Variants in TENT4B observed in about 807,000 individuals in gnomAD.
TENT4B encodes the protein PAP associated domain containing 5.
A neutral mutation model predicts 75.0 loss-of-function variants in TENT4B; 10 were observed. The ratio of observed to expected loss-of-function variants is 0.13; its 90% CI spans 0.08 to 0.23. The LOEUF (loss-of-function observed/expected upper bound fraction) is 0.23, where lower values mean the gene tolerates loss of function less well. TENT4B is among the 10% of genes least tolerant of loss of function. TENT4B has a pLI of 1.00. For missense variants in TENT4B, 579 were observed against 893.8 expected, an observed-to-expected ratio of 0.65 and a Z score of 4.49; for synonymous variants, 350 against 357.7, an observed-to-expected ratio of 0.98 and a Z score of 0.24.
intron 1 of TENT4B, among the ~76,000 whole-genome samples, chr16:50,206,622 C>T (rs1481119906): frequency 6.6e-6 from 1 of 151,870 alleles, no homozygotes; most frequent in African/African-American, 2.4e-5. Context: ...ATGGATGAGC[C>T]GCAGGGGACG....
At position 50,216,322 on chromosome 16, in the gene TENT4B, G is replaced by T. The variant is rs11859225; in HGVS notation, c.930+127G>T. The T allele has an allele frequency of 3.2e-6, 4 of 1,247,524 alleles. No individual in the cohort carries two copies. The Admixed American group carries it at 9.2e-5, about 29-fold the overall frequency. 77.3% of individuals were successfully genotyped at this position (1,247,524 alleles called of 1,614,324 possible). ...ATTCTTTCATTTTGTTAATGTCACCGTGCTTGCACATAAAAAGTTTTCTGG... is the reference window on the plus strand; with the variant it reads ...ATTCTTTCATTTTGTTAATGTCACCTTGCTTGCACATAAAAAGTTTTCTGG... On this transcript the variant is annotated intron_variant, in intron 4 of 11. Coordinates refer to ENST00000561678, the MANE Select transcript of TENT4B (RefSeq NM_001365324.3).
intron 1 of TENT4B, among the ~76,000 whole-genome samples, chr16:50,196,834 G>A (rs1042856389): frequency 9.2e-5 from 14 of 151,954 alleles, no homozygotes; most frequent in Admixed American, 6.6e-5. Context: ...CTACAGTGGG[G>A]CTGAGGCAGG....
intron 1 of TENT4B, among the ~76,000 whole-genome samples, chr16:50,172,443 G>A (rs2038223339): frequency 6.6e-6 from 1 of 151,946 alleles, no homozygotes; most frequent in South Asian, 2.1e-4. Context: ...GTAAACAAGG[G>A]GATTCCTGAA....
upstream of TENT4B, chr16:50,152,993 G>A (rs1365266701): frequency 9.2e-6 from 14 of 1,516,880 alleles, no homozygotes; most frequent in South Asian, 1.2e-5. Context: ...AAGCCGAGGC[G>A]GAGAAGCCGC....
Position 50,232,443 on chromosome 16 carries a change from G to C in TENT4B, c.*3115G>C. 1 of 985,216 alleles carries C rather than the reference G, an allele frequency of 1.0e-6. No individual in the cohort carries two copies. Among genetic ancestry groups the C allele is most frequent in the Non-Finnish European group, 1.2e-6 (1 of 829,904 alleles). 61.0% of individuals were successfully genotyped at this position (985,216 alleles called of 1,614,324 possible). Reference sequence around the variant, plus strand: ...TCCAGATATTCCTAGATCTGCACAGGGCAAAACATGGGCTATAGGGTGAGC... The same window carrying C: ...TCCAGATATTCCTAGATCTGCACAGCGCAAAACATGGGCTATAGGGTGAGC... On this transcript the variant is annotated 3_prime_UTR_variant, in exon 12 of 12. Transcript: ENST00000561678.
At chr16:50,207,833 C>G (rs1246945660) in intron 1 of TENT4B, among the ~76,000 whole-genome samples, 2 of 152,218 alleles carry the variant, frequency 1.3e-5, no homozygotes, top group African/African-American at 2.4e-5. Flanking sequence ...GCCAGACTTA[C>G]AGTGCACACT....
In TENT4B at chr16:50,233,393, T is replaced by G. The variant is rs1256576974; in HGVS notation, c.*4065T>G. On this transcript the variant is annotated 3_prime_UTR_variant, in exon 12 of 12. Transcript: ENST00000561678. ...TATTTAACATAGCTAAGAAGCCAGATTTTACTGTAGAAGTTATTTACATGA... is the reference window on the plus strand; with the variant it reads ...TATTTAACATAGCTAAGAAGCCAGAGTTTACTGTAGAAGTTATTTACATGA... The G allele has an allele frequency of 1.3e-5, 13 of 985,294 alleles. No homozygotes were observed. The highest frequency in any genetic ancestry group is 1.4e-5 in the Non-Finnish European group (12 of 829,940). 61.0% of individuals were successfully genotyped at this position (985,294 alleles called of 1,614,324 possible). A position where few individuals can be genotyped will look rare whatever the true frequency, so the allele number is the denominator to read the frequency against.
At chr16:50,198,841 A>G (rs1265405676) in intron 1 of TENT4B, among the ~76,000 whole-genome samples, 1 of 152,248 alleles carries the variant, frequency 6.6e-6, no homozygotes, top group Non-Finnish European at 1.5e-5. Flanking sequence ...AAATAGCCAT[A>G]GATCTGAAAG....
At position 50,154,182 on chromosome 16, in the gene TENT4B, C is replaced by A; in HGVS notation, c.561C>A (p.Gly187=). Residue 187 remains glycine (G), a synonymous_variant, in exon 1 of 12, where the codon GGC becomes GGA. Coordinates refer to ENST00000561678, the MANE Select transcript of TENT4B (RefSeq NM_001365324.3). ...CCAGCGGAGGGCGGGCCGCGGGGGG[C>A]GGCCGAGCAGACGGCGGCGGGGTCG... ...LQPSGGRAAG[G]GRADGGGVVY... The A allele has an allele frequency of 6.6e-7, 1 of 1,506,876 alleles. No homozygotes were observed. Among genetic ancestry groups the A allele is most frequent in the Non-Finnish European group, 8.8e-7 (1 of 1,135,500 alleles). 93.3% of individuals were successfully genotyped at this position (1,506,876 alleles called of 1,614,324 possible).
At chr16:50,172,085 C>T (rs569264702) in intron 1 of TENT4B, among the ~76,000 whole-genome samples, 2 of 151,492 alleles carry the variant, frequency 1.3e-5, no homozygotes, top group East Asian at 3.9e-4. Flanking sequence ...TATAGTGGCT[C>T]ATGCCTATAA....
At chr16:50,208,203 G>C (rs2031088819) in intron 1 of TENT4B, among the ~76,000 whole-genome samples, 1 of 152,090 alleles carries the variant, frequency 6.6e-6, no homozygotes. Context: ...TGGCAAATAT[G>C]CATCAATCAA....
intron 1 of TENT4B, among the ~76,000 whole-genome samples, chr16:50,165,927 G>A (rs2038091251): frequency 6.6e-6 from 1 of 151,860 alleles, no homozygotes; most frequent in Non-Finnish European, 1.5e-5. Flanking sequence ...ATTTTTCTTG[G>A]GTATATACTT....
intron 1 of TENT4B, among the ~76,000 whole-genome samples, chr16:50,188,090 A>G (rs944251465): frequency 5.3e-5 from 8 of 152,322 alleles, no homozygotes; most frequent in African/African-American, 1.9e-4. Context: ...TAAAAAGAAA[A>G]TAAGTTTACA....
At chr16:50,169,445 A>G (rs561617608) in intron 1 of TENT4B, among the ~76,000 whole-genome samples, 47 of 128,862 alleles carry the variant, frequency 3.6e-4, no homozygotes, top group Middle Eastern at 6.7e-3. Context: ...TGGTGTGTAC[A>G]TCTCTCAGAA....
At chr16:50,182,972 G>A (rs998768825) in intron 1 of TENT4B, among the ~76,000 whole-genome samples, 86 of 123,386 alleles carry the variant, frequency 7.0e-4, no homozygotes, top group Non-Finnish European at 5.1e-4. Flanking sequence ...TTCTGCCTCA[G>A]CCTCCGGAGT....
At chr16:50,169,473 C>CT (rs908478438) in intron 1 of TENT4B, among the ~76,000 whole-genome samples, 5 of 122,616 alleles carry the variant, frequency 4.1e-5, no homozygotes, top group African/African-American at 1.5e-4. Context: ...ATCTTAATGT[C>CT]TTTTTGTGGT....
intron 3 of TENT4B, 24 bp downstream of exon 3, chr16:50,214,291 A>G (rs750519525): frequency 1.9e-6 from 3 of 1,547,202 alleles, no homozygotes; most frequent in South Asian, 1.2e-5. Context: ...TGAATCTTTC[A>G]AAGGACTTTT....
At chr16:50,229,115 A>C in intron 11 of TENT4B, 37 bp from the exon 12 acceptor site, 2 of 1,606,718 alleles carry the variant, frequency 1.2e-6, no homozygotes, top group Non-Finnish European at 1.7e-6. Context: ...CTTTTCTGCA[A>C]TACTGATGTC....
chr16:50,235,126 GA>G lies in TENT4B; in HGVS notation c.*5800del. 3 of 748,126 alleles carry G rather than the reference GA, an allele frequency of 4.0e-6. No individual in the cohort carries two copies. The highest frequency in any genetic ancestry group is 2.6e-4 in the East Asian group (2 of 7,700). The allele number at this position is 748,126 out of a possible 1,614,324, so 46.3% of individuals were successfully genotyped here. On this transcript the variant is annotated 3_prime_UTR_variant, in exon 12 of 12. Transcript: ENST00000561678. ...CTGGGCAACCAGTGATGAAAACTATGAATGAATTGCACACCTGGAAGATTTT... is the reference window on the plus strand; with the variant it reads ...CTGGGCAACCAGTGATGAAAACTATGATGAATTGCACACCTGGAAGATTTT...
Sources: allele counts gnomAD v4.1 joint callset (sites outside exome capture counted in the v4.1 genomes callset), GRCh38; gene constraint gnomAD v4.1.1; transcripts MANE v1.5; gene names NCBI Gene and HGNC (gene_info 2026-07-23, HGNC 2026-07-21).